Variants in ADAMTSL3 observed in about 807,000 individuals in gnomAD.
ADAMTSL3 encodes ADAMTS like 3.
In ADAMTSL3, 128 loss-of-function variants were observed where a neutral mutation model predicts 201.7. That is an observed-to-expected ratio of 0.63 (90% CI 0.55 to 0.73). The LOEUF is 0.73. Ranked by LOEUF, ADAMTSL3 falls within the 30% of genes least tolerant of loss-of-function variation. The probability of loss-of-function intolerance (pLI) is 0.00; values close to 1 mark genes in which losing one functional copy is unlikely to be tolerated. For missense variants in ADAMTSL3, 1,990 were observed against 2,119.6 expected, an observed-to-expected ratio of 0.94 and a Z score of 1.20; for synonymous variants, 738 against 748.4, an observed-to-expected ratio of 0.99 and a Z score of 0.23.
intron 9 of ADAMTSL3, among the ~76,000 whole-genome samples, chr15:83,879,727 G>T (rs888646573): frequency 6.6e-6 from 1 of 152,216 alleles, no homozygotes; most frequent in Non-Finnish European, 1.5e-5. Flanking sequence ...TTCTATGTAT[G>T]TCAATTAGGT....
intron 27 of ADAMTSL3, among the ~76,000 whole-genome samples, chr15:84,028,463 A>G (rs1475105664): frequency 6.6e-6 from 1 of 152,316 alleles, no homozygotes; most frequent in Non-Finnish European, 1.5e-5. Context: ...GGACAAATTA[A>G]TAGGTATTAT....
intron 3 of ADAMTSL3, among the ~76,000 whole-genome samples, chr15:83,763,016 A>G (rs1370611817): frequency 6.6e-6 from 1 of 152,008 alleles, no homozygotes; most frequent in Non-Finnish European, 1.5e-5. Context: ...CCTCCTGAGT[A>G]ACTGGGACTA....
intron 6 of ADAMTSL3, among the ~76,000 whole-genome samples, chr15:83,835,048 C>T (rs1214304094): frequency 6.6e-6 from 1 of 152,004 alleles, no homozygotes; most frequent in Non-Finnish European, 1.5e-5. Context: ...TCCTGGCTAA[C>T]ACAGTGAAAC....
At chr15:83,693,929 C>G (rs73452682) in intron 2 of ADAMTSL3, among the ~76,000 whole-genome samples, 2 of 152,104 alleles carry the variant, frequency 1.3e-5, no homozygotes, top group African/African-American at 4.8e-5. Flanking sequence ...ATTCTCCCCC[C>G]GCAACCATTT....
chr15:83,730,026 A>AGT (rs2062240540), intron 3 of ADAMTSL3, among the ~76,000 whole-genome samples: 1 of 152,054 alleles, frequency 6.6e-6, no homozygotes, highest in South Asian at 2.1e-4. Context: ...GACTTGTAGA[A>AGT]GTACTACCTT....
At chr15:83,792,767 G>T (rs1173088229) in intron 4 of ADAMTSL3, among the ~76,000 whole-genome samples, 1 of 150,298 alleles carries the variant, frequency 6.7e-6, no homozygotes, top group African/African-American at 2.4e-5. Context: ...ACACCAGCCT[G>T]GGCAACAGAG....
intron 3 of ADAMTSL3, among the ~76,000 whole-genome samples, chr15:83,730,456 T>A (rs1324165479): frequency 6.6e-6 from 1 of 152,048 alleles, no homozygotes. Flanking sequence ...TAGAGGATCC[T>A]CCTCGGAGTG....
At chr15:83,660,338 G>C (rs1488482854) in intron 2 of ADAMTSL3, among the ~76,000 whole-genome samples, 1 of 152,142 alleles carries the variant, frequency 6.6e-6, no homozygotes, top group Non-Finnish European at 1.5e-5. Flanking sequence ...TGTCAATCAT[G>C]GGCAGTGAGG....
intron 2 of ADAMTSL3, among the ~76,000 whole-genome samples, chr15:83,701,378 C>G (rs892954996): frequency 6.6e-6 from 1 of 152,184 alleles, no homozygotes; most frequent in Non-Finnish European, 1.5e-5. Flanking sequence ...ATTGGGTCAT[C>G]ATATCCCAGC....
intron 27 of ADAMTSL3, among the ~76,000 whole-genome samples, chr15:84,026,447 C>T (rs189647629): frequency 3.3e-5 from 5 of 152,248 alleles, no homozygotes; most frequent in Admixed American, 6.5e-5. Flanking sequence ...CATTGACAGT[C>T]TGATCCTAAA....
chr15:83,835,050 C>T lies in ADAMTSL3; in HGVS notation c.601-3039C>T, dbSNP rs189477450. 6.5e-4 allele frequency among the ~76,000 whole-genome samples: 99 copies of T among 152,024 alleles called. 1 individual carries two copies. The highest frequency in any genetic ancestry group is 3.4e-3 in the Middle Eastern group (1 of 294). ...GAGATCGAGACCATCCTGGCTAACA[C>T]AGTGAAACCCTGTCTCTACTGAAAA... On this transcript the variant is annotated intron_variant, in intron 6 of 29. Transcript: ENST00000286744.
At chr15:83,991,898 A>T (rs2141836954) in intron 23 of ADAMTSL3, among the ~76,000 whole-genome samples, 1 of 152,324 alleles carries the variant, frequency 6.6e-6, no homozygotes, top group Non-Finnish European at 1.5e-5. Context: ...AACTGTAGAT[A>T]AATATTATAT....
At chr15:83,685,937 C>T (rs2061530209) in intron 2 of ADAMTSL3, among the ~76,000 whole-genome samples, 1 of 152,202 alleles carries the variant, frequency 6.6e-6, no homozygotes, top group Admixed American at 6.5e-5. Context: ...TTCCCTGTGA[C>T]TTCCCCCGGT....
At chr15:83,843,550 T>A (rs931764900) in intron 7 of ADAMTSL3, among the ~76,000 whole-genome samples, 1 of 152,182 alleles carries the variant, frequency 6.6e-6, no homozygotes, top group Non-Finnish European at 1.5e-5. Context: ...TGGAAGCACT[T>A]CCCTATAATC....
intron 2 of ADAMTSL3, among the ~76,000 whole-genome samples, chr15:83,685,364 A>G (rs1282399538): frequency 2.0e-5 from 3 of 152,168 alleles, no homozygotes; most frequent in Non-Finnish European, 2.9e-5. Flanking sequence ...CTTGGACAGC[A>G]GGGCTTTTGG....
intron 3 of ADAMTSL3, among the ~76,000 whole-genome samples, chr15:83,762,792 G>A (rs1280307184): frequency 6.6e-6 from 1 of 152,042 alleles, no homozygotes; most frequent in Non-Finnish European, 1.5e-5. Flanking sequence ...GCTACATGTT[G>A]TATGTATGCT....
At chr15:83,823,029 C>T (rs2063918838) in intron 6 of ADAMTSL3, among the ~76,000 whole-genome samples, 1 of 151,852 alleles carries the variant, frequency 6.6e-6, no homozygotes, top group Non-Finnish European at 1.5e-5. Context: ...CCCGTCTCCA[C>T]CAAAAAAATA....
chr15:84,020,761 G>C (rs1461474683), intron 25 of ADAMTSL3, among the ~76,000 whole-genome samples: 1 of 152,116 alleles, frequency 6.6e-6, no homozygotes, highest in African/African-American at 2.4e-5. Flanking sequence ...TTTGGAATAG[G>C]GATTAAAATT....
chr15:83,778,811 A>T (rs2063120890), intron 4 of ADAMTSL3, among the ~76,000 whole-genome samples: 1 of 152,220 alleles, frequency 6.6e-6, no homozygotes, highest in Non-Finnish European at 1.5e-5. Flanking sequence ...CAATTAAAAG[A>T]CACAGAGTAG....
Sources: gnomAD v4.1 joint callset for allele counts (sites outside exome capture counted in the v4.1 genomes callset) on GRCh38, gnomAD v4.1.1 for gene constraint, MANE v1.5 for transcripts, NCBI Gene and HGNC (gene_info 2026-07-23, HGNC 2026-07-21) for gene names.